COL19A1: variants seen among roughly 807,000 people sequenced by gnomAD.
COL19A1 encodes the protein collagen alpha-1(XIX) chain.
A neutral mutation model predicts 190.2 loss-of-function variants in COL19A1; 159 were observed. The ratio of observed to expected loss-of-function variants is 0.84; its 90% CI spans 0.73 to 0.95. The LOEUF is 0.95. Among genes scored for constraint, COL19A1 ranks in the 40% least tolerant of loss-of-function variants. The pLI is 0.00. For synonymous variants in COL19A1, 509 were observed against 458.9 expected (o/e 1.11, Z -1.39); for missense variants, 1,418 against 1,431.9 (o/e 0.99, Z 0.16).
chr6:69,940,150 T>C (rs1189549713), intron 9 of COL19A1, among the ~76,000 whole-genome samples: 1 of 152,176 alleles, frequency 6.6e-6, no homozygotes, highest in African/African-American at 2.4e-5. Context: ...TACTTTAAAT[T>C]CTTTTTTAAA....
chr6:69,885,119 C>A (rs988868457), intron 2 of COL19A1, among the ~76,000 whole-genome samples: 1 of 152,190 alleles, frequency 6.6e-6, no homozygotes, highest in African/African-American at 2.4e-5. Context: ...CCACCTTGGC[C>A]TCCCAAAGTG....
chr6:70,128,263 G>A (rs776030215), intron 17 of COL19A1, among the ~76,000 whole-genome samples: 3 of 152,202 alleles, frequency 2.0e-5, no homozygotes, highest in Non-Finnish European at 2.9e-5. Flanking sequence ...CTAAAACTCA[G>A]AAGGGAAGTA....
chr6:69,945,845 T>C (rs1043563373), intron 9 of COL19A1, among the ~76,000 whole-genome samples: 5 of 152,068 alleles, frequency 3.3e-5, no homozygotes. Context: ...TACCAAGTGT[T>C]AGTGACAGAG....
At chr6:70,087,115 C>A (rs1450915514) in intron 15 of COL19A1, among the ~76,000 whole-genome samples, 1 of 152,086 alleles carries the variant, frequency 6.6e-6, no homozygotes, top group Non-Finnish European at 1.5e-5. Flanking sequence ...CTCACAAAGC[C>A]TAAAATATTT....
In COL19A1 at chr6:69,929,699, A is replaced by G. The variant is rs1562008259; in HGVS notation, c.665A>G (p.Asp222Gly). 1 of 1,609,160 alleles carries G rather than the reference A, an allele frequency of 6.2e-7. No individual in the cohort carries two copies. Among genetic ancestry groups the G allele is most frequent in the Non-Finnish European group, 8.5e-7 (1 of 1,177,114 alleles). Residue 222 changes from aspartate to glycine, a missense_variant and splice_region_variant, in exon 6 of 51, where the codon GAT becomes GGT. By Grantham distance (94) the Asp-to-Gly change is moderately conservative. Coordinates refer to ENST00000620364, the MANE Select transcript of COL19A1 (RefSeq NM_001858.6). Reference protein sequence around the residue: ...ATRASDGKPVDIELHQLKIYC... With the variant: ...ATRASDGKPVGIELHQLKIYC... ...CGAGCTTCAGATGGCAAGCCTGTGG[A>G]TGTAAGTTGTGATGTTAGTTGTGAA...
intron 49 of COL19A1, among the ~76,000 whole-genome samples, chr6:70,200,697 T>C (rs1170235451): frequency 1.3e-5 from 2 of 152,254 alleles, no homozygotes; most frequent in Non-Finnish European, 2.9e-5. Context: ...TTCTGTAATA[T>C]TGAGCCTCAT....
intron 15 of COL19A1, among the ~76,000 whole-genome samples, chr6:70,079,030 G>T (rs528758553): frequency 1.3e-5 from 2 of 152,148 alleles, no homozygotes; most frequent in Admixed American, 6.5e-5. Flanking sequence ...TCACATCACT[G>T]CACTCCAGTG....
At chr6:69,905,203 G>T (rs1332626313) in intron 4 of COL19A1, among the ~76,000 whole-genome samples, 1 of 152,198 alleles carries the variant, frequency 6.6e-6, no homozygotes, top group Non-Finnish European at 1.5e-5. Context: ...CTGGGGTCAG[G>T]TTCCAGCTCA....
chr6:69,895,291 A>T (rs893176782), intron 2 of COL19A1, among the ~76,000 whole-genome samples: 1 of 152,222 alleles, frequency 6.6e-6, no homozygotes, highest in African/African-American at 2.4e-5. Context: ...GGTTTCCCAT[A>T]AGCTCAGAAG....
At chr6:69,961,060 T>C (rs796930256) in intron 10 of COL19A1, among the ~76,000 whole-genome samples, 45 of 152,286 alleles carry the variant, frequency 3.0e-4, no homozygotes, top group African/African-American at 1.0e-3. Context: ...GCTGTCATGA[T>C]ACCATCCAGA....
chr6:69,974,027 T>G (rs968480079), intron 11 of COL19A1: 1 of 152,222 alleles, frequency 6.6e-6, no homozygotes. Flanking sequence ...AGTTATTGTC[T>G]AGGCTTATGG....
At chr6:70,092,564 A>G (rs1357321645) in intron 15 of COL19A1, among the ~76,000 whole-genome samples, 2 of 152,126 alleles carry the variant, frequency 1.3e-5, no homozygotes, top group Non-Finnish European at 2.9e-5. Context: ...AATCCATTAA[A>G]TTCACTTCAA....
intron 39 of COL19A1, 47 bp downstream of exon 39, chr6:70,168,262 C>T: frequency 2.5e-6 from 4 of 1,580,078 alleles, no homozygotes; most frequent in Non-Finnish European, 3.4e-6. Flanking sequence ...TGAACAACCA[C>T]AATGAAAAAC....
At position 70,106,334 on chromosome 6, in the gene COL19A1, G is replaced by A. The variant is rs889343640; in HGVS notation, c.1278+4112G>A. Among the ~76,000 whole-genome samples, 798 of 149,700 alleles carry A rather than the reference G, an allele frequency of 5.3e-3. 9 individuals are homozygous for A. The highest frequency in any genetic ancestry group is 0.018 in the African/African-American group (733 of 40,506). On this transcript the variant is annotated intron_variant, in intron 16 of 50. Coordinates refer to ENST00000620364, the MANE Select transcript of COL19A1 (RefSeq NM_001858.6). Reference sequence around the variant, plus strand: ...GACAAATAGCTAAGTGTGTGCGTGTGTGTGTGTGTGTGTGTGTGTGTGTGT... The same window carrying A: ...GACAAATAGCTAAGTGTGTGCGTGTATGTGTGTGTGTGTGTGTGTGTGTGT...
Position 70,091,661 on chromosome 6 carries a change from A to G in COL19A1, c.1225-10508A>G, listed in dbSNP as rs188115199. On this transcript the variant is annotated intron_variant, in intron 15 of 50. Coordinates refer to ENST00000620364, the MANE Select transcript of COL19A1 (RefSeq NM_001858.6). ...TGCATATGTACTAGATGTAGCAGGA[A>G]TGAGGGGAACAAGATGTATTTAGGG... Among the ~76,000 whole-genome samples the G allele has an allele frequency of 6.6e-5, 10 of 152,294 alleles. No individual in the cohort carries two copies. The East Asian group carries it at 1.7e-3, about 26-fold the overall frequency.
intron 4 of COL19A1, among the ~76,000 whole-genome samples, chr6:69,922,002 T>C (rs1205353917): frequency 9.2e-5 from 14 of 152,094 alleles, no homozygotes. Context: ...CAAGCTGTCA[T>C]TATATCTCTC....
At chr6:69,944,754 T>C (rs561708993) in intron 9 of COL19A1, among the ~76,000 whole-genome samples, 2 of 152,116 alleles carry the variant, frequency 1.3e-5, no homozygotes, top group African/African-American at 2.4e-5. Flanking sequence ...AAGGTGATGG[T>C]CACCTCTCAT....
At chr6:70,008,597 T>C (rs1777779075) in intron 11 of COL19A1, among the ~76,000 whole-genome samples, 1 of 151,986 alleles carries the variant, frequency 6.6e-6, no homozygotes, top group South Asian at 2.1e-4. Context: ...TTCTATCAGA[T>C]GTCTTCATCT....
chr6:70,034,339 A>C, intron 13 of COL19A1, 41 bp downstream of exon 13: 1 of 1,463,006 alleles, frequency 6.8e-7, no homozygotes, highest in Non-Finnish European at 9.6e-7. Context: ...TTCTTTAAGA[A>C]AACTCTGACA....
Sources: gnomAD v4.1 joint callset for allele counts (sites outside exome capture counted in the v4.1 genomes callset) on GRCh38, gnomAD v4.1.1 for gene constraint, MANE v1.5 for transcripts, NCBI Gene and HGNC (gene_info 2026-07-23, HGNC 2026-07-21) for gene names.